CCSER2: variants seen among roughly 807,000 people sequenced by gnomAD.
The protein encoded by CCSER2 is coiled-coil serine rich protein 2, also known as serine-rich coiled-coil domain-containing protein 2.
Under a neutral mutation model 92.3 loss-of-function variants are expected in CCSER2, and 46 were observed. The observed-to-expected ratio is 0.50, with a 90% CI of 0.39 to 0.64. CCSER2 has a LOEUF of 0.64. Among genes scored for constraint, CCSER2 ranks in the 30% least tolerant of loss-of-function variants. CCSER2 has a pLI of 0.00. For synonymous variants in CCSER2, 433 were observed against 431.4 expected (o/e 1.00, Z -0.04); for missense variants, 1,244 against 1,238.9 (o/e 1.00, Z -0.06).
chr10:84,328,603 C>G lies in CCSER2; in HGVS notation c.-245C>G, dbSNP rs981220300. The G allele has an allele frequency of 2.0e-5, 3 of 150,414 alleles. No homozygotes were observed. The highest frequency in any genetic ancestry group is 2.0e-4 in the East Asian group (1 of 5,120). The allele number at this position is 150,414 out of a possible 1,614,324, so 9.3% of individuals were successfully genotyped here. ...CCCTGGAGGGCGGAGTCCGGGCGGG[C>G]GCCGGCCGAGGGAGGGGGCGCGGCG... is the stretch of plus-strand genomic sequence containing the variant. On this transcript the variant is annotated 5_prime_UTR_variant, in exon 1 of 10. Transcript: ENST00000372088.
At chr10:84,495,711 A>C (rs1353066764) in intron 9 of CCSER2, among the ~76,000 whole-genome samples, 1 of 149,036 alleles carries the variant, frequency 6.7e-6, no homozygotes, top group Non-Finnish European at 1.5e-5. Flanking sequence ...CTCTTTCTAT[A>C]TGTGGGTATT....
rs1252512285 is a variant in CCSER2, at chr10:84,370,997, C to G, written c.-39-17C>G. 8.8e-7 allele frequency: 1 copy of G among 1,137,158 alleles called. No homozygotes were observed. Among genetic ancestry groups the G allele is most frequent in the African/African-American group, 1.6e-5 (1 of 63,726 alleles). The allele number at this position is 1,137,158 out of a possible 1,614,324, so 70.4% of individuals were successfully genotyped here. A position where few individuals can be genotyped will look rare whatever the true frequency, so the allele number is the denominator to read the frequency against. On this transcript the variant is annotated splice_polypyrimidine_tract_variant and intron_variant, in intron 1 of 9. Transcript: ENST00000372088. ...TTATTTAGGAATGTTTAATGTACTT[C>G]TTTTTTCTCTTCACAGATTCTTTCA...
chr10:84,450,221 A>G (rs1294395995), intron 6 of CCSER2, among the ~76,000 whole-genome samples: 2 of 152,246 alleles, frequency 1.3e-5, no homozygotes, highest in Non-Finnish European at 2.9e-5. Flanking sequence ...TACCCAGTAC[A>G]TTGTTCGAAA....
At chr10:84,457,320 A>ATTATATAT (rs1845756843) in intron 6 of CCSER2, among the ~76,000 whole-genome samples, 1 of 80,684 alleles carries the variant, frequency 1.2e-5, no homozygotes, top group Admixed American at 2.1e-4. Context: ...TATATAATAT[A>ATTATATAT]TTATATATAA....
At chr10:84,393,953 A>G (rs774513084) in intron 3 of CCSER2, 28 of 152,216 alleles carry the variant, frequency 1.8e-4, no homozygotes, top group Non-Finnish European at 3.2e-4. Flanking sequence ...GTATGCTTTG[A>G]CATTGAGTTA....
chr10:84,371,226 T>C lies in CCSER2; in HGVS notation c.174T>C (p.Cys58=). 1 of 1,613,290 alleles carries C rather than the reference T, an allele frequency of 6.2e-7. No individual in the cohort carries two copies. Among genetic ancestry groups the C allele is most frequent in the Non-Finnish European group, 8.5e-7 (1 of 1,179,670 alleles). ...KSYIKNNGSD[C]PSSHSFNWRK... ...ACATCAAAAATAATGGCTCTGATTG[T>C]CCATCATCTCATTCATTTAATTGGA... The change falls in exon 2 of 10, where the codon TGT becomes TGC. Residue 58 remains cysteine, a synonymous_variant. Coordinates refer to ENST00000372088, the MANE Select transcript of CCSER2 (RefSeq NM_001284240.2).
chr10:84,358,398 T>A (rs1419341084), intron 1 of CCSER2, among the ~76,000 whole-genome samples: 2 of 152,130 alleles, frequency 1.3e-5, no homozygotes, highest in East Asian at 3.9e-4. Flanking sequence ...TCTTTTCCTA[T>A]ATGTTCACTT....
At chr10:84,489,416 G>C (rs1416694315) in intron 9 of CCSER2, among the ~76,000 whole-genome samples, 1 of 152,112 alleles carries the variant, frequency 6.6e-6, no homozygotes. Flanking sequence ...ATGAATCTGG[G>C]TGCTCCTGTA....
rs1849579250 is a variant in CCSER2, at chr10:84,515,777, T to C, written c.*1510T>C. 1 of 152,232 alleles carries C rather than the reference T, an allele frequency of 6.6e-6. No individual in the cohort carries two copies. The highest frequency in any genetic ancestry group is 1.5e-5 in the Non-Finnish European group (1 of 68,036). 9.4% of individuals were successfully genotyped at this position (152,232 alleles called of 1,614,324 possible). On this transcript the variant is annotated 3_prime_UTR_variant, in exon 10 of 10. Coordinates refer to ENST00000372088, the MANE Select transcript of CCSER2 (RefSeq NM_001284240.2). The stretch of plus-strand genomic sequence containing the variant: ...GAATTGAAGATGGGAAATTTTGTTT[T>C]ATTAAAAAGGTGCTAGAAGATGTTT...
At chr10:84,364,377 ATCAT>A (rs1243332123) in intron 1 of CCSER2, among the ~76,000 whole-genome samples, 1 of 152,228 alleles carries the variant, frequency 6.6e-6, no homozygotes, top group African/African-American at 2.4e-5. Flanking sequence ...TGACTGTAAC[ATCAT>A]TGCTTGGCTC....
intron 1 of CCSER2, among the ~76,000 whole-genome samples, chr10:84,330,391 TTC>T (rs1843496964): frequency 6.6e-6 from 1 of 152,242 alleles, no homozygotes; most frequent in African/African-American, 2.4e-5. Flanking sequence ...AAAGTAGCAC[TTC>T]TGAGGCTTGT....
At chr10:84,334,751 T>G (rs1564573364) in intron 1 of CCSER2, among the ~76,000 whole-genome samples, 1 of 152,214 alleles carries the variant, frequency 6.6e-6, no homozygotes, top group Non-Finnish European at 1.5e-5. Flanking sequence ...ATTTTCTTGG[T>G]CAGCTCCTAA....
At chr10:84,349,055 T>A (rs1161959019) in intron 1 of CCSER2, among the ~76,000 whole-genome samples, 1 of 152,222 alleles carries the variant, frequency 6.6e-6, no homozygotes, top group Non-Finnish European at 1.5e-5. Context: ...ATTCCAATTT[T>A]TTTTTCAATT....
intron 3 of CCSER2, among the ~76,000 whole-genome samples, chr10:84,385,522 A>G (rs1326949036): frequency 1.3e-5 from 2 of 152,230 alleles, no homozygotes; most frequent in Non-Finnish European, 2.9e-5. Context: ...CACCCTATTC[A>G]GTAAATGGTG....
chr10:84,395,769 C>T lies in CCSER2; in HGVS notation c.1614+21954C>T, dbSNP rs560621533. ...AACCATTGGGAAACCCAGATTTCAG[C>T]CGTAGCTGAATAAGTAGTGTCTCAT... On this transcript the variant is annotated intron_variant, in intron 3 of 9. Transcript: ENST00000372088. 4.8e-4 allele frequency among the ~76,000 whole-genome samples: 73 copies of T among 152,268 alleles called. 1 individual carries two copies. In the East Asian group the frequency reaches 0.014, roughly 29 times the overall value.
chr10:84,333,744 A>G (rs547781310), intron 1 of CCSER2, among the ~76,000 whole-genome samples: 4 of 152,290 alleles, frequency 2.6e-5, no homozygotes, highest in South Asian at 4.1e-4. Flanking sequence ...TTGGAAATAT[A>G]TAGGAATTAG....
At chr10:84,373,504 T>G in intron 2 of CCSER2, 115 bp from the exon 3 acceptor site, 2 of 727,398 alleles carry the variant, frequency 2.7e-6, no homozygotes, top group Non-Finnish European at 4.5e-6. Flanking sequence ...CAGTTATGAG[T>G]GCTTTTTTTG....
At chr10:84,421,337 A>G (rs987258184) in intron 4 of CCSER2, among the ~76,000 whole-genome samples, 2 of 152,192 alleles carry the variant, frequency 1.3e-5, no homozygotes, top group Non-Finnish European at 2.9e-5. Context: ...GAGACTGGGT[A>G]ATTTATACAG....
At chr10:84,386,126 G>C (rs1043861478) in intron 3 of CCSER2, among the ~76,000 whole-genome samples, 2 of 152,296 alleles carry the variant, frequency 1.3e-5, no homozygotes, top group South Asian at 4.1e-4. Flanking sequence ...TTATAACACT[G>C]TTGGTGGGAA....
Sources: allele counts gnomAD v4.1 joint callset (sites outside exome capture counted in the v4.1 genomes callset), GRCh38; gene constraint gnomAD v4.1.1; transcripts MANE v1.5; gene names NCBI Gene and HGNC (gene_info 2026-07-23, HGNC 2026-07-21).